The following RAD51B variants were observed in gnomAD, a reference collection of about 807,000 sequenced individuals.
RAD51B encodes DNA repair protein RAD51 homolog 2.
RAD51B carries 38 observed loss-of-function variants against 42.2 expected under a neutral mutation model. That is an observed-to-expected ratio of 0.90 (90% confidence interval 0.70 to 1.18). The LOEUF (loss-of-function observed/expected upper bound fraction) is 1.18, where lower values mean the gene tolerates loss of function less well. Ranked by LOEUF, RAD51B falls within the 50% of genes most tolerant of loss-of-function variation. The pLI, the probability that RAD51B is intolerant of heterozygous loss-of-function variation, is 0.00. For synonymous variants in RAD51B, 154 were observed against 145.2 expected, an observed-to-expected ratio of 1.06 and a Z score of -0.43; for missense variants, 373 against 400.7, an observed-to-expected ratio of 0.93 and a Z score of 0.59.
intron 7 of RAD51B, among the ~76,000 whole-genome samples, chr14:68,025,837 G>A (rs1280684481): frequency 1.3e-5 from 2 of 151,752 alleles, no homozygotes; most frequent in East Asian, 1.9e-4. Context: ...TTGATCTTTC[G>A]TATGGATTTT....
intron 10 of RAD51B, among the ~76,000 whole-genome samples, chr14:68,637,601 A>G (rs919901909): frequency 2.0e-5 from 3 of 152,218 alleles, no homozygotes; most frequent in African/African-American, 7.2e-5. Flanking sequence ...CAAAGGCAGC[A>G]AGATTATTTT....
chr14:68,612,325 G>A (rs1174026675), downstream of RAD51B, among the ~76,000 whole-genome samples: 1 of 152,238 alleles, frequency 6.6e-6, no homozygotes, highest in African/African-American at 2.4e-5. Flanking sequence ...ACTTGTAGAA[G>A]AGCAGAAAGA....
intron 10 of RAD51B, among the ~76,000 whole-genome samples, chr14:68,619,565 G>T (rs563612594): frequency 6.6e-6 from 1 of 152,114 alleles, no homozygotes; most frequent in Non-Finnish European, 1.5e-5. Context: ...AAGCAAGTTA[G>T]ACAGAGTCAT....
At chr14:68,530,362 G>A (rs867419165) in intron 10 of RAD51B, among the ~76,000 whole-genome samples, 1 of 145,798 alleles carries the variant, frequency 6.9e-6, no homozygotes, top group African/African-American at 2.5e-5. Flanking sequence ...TGGGAGGATT[G>A]CTGGAGCCCA....
intron 4 of RAD51B, among the ~76,000 whole-genome samples, chr14:67,860,829 C>T (rs1595017868): frequency 6.6e-6 from 1 of 152,148 alleles, no homozygotes; most frequent in Non-Finnish European, 1.5e-5. Flanking sequence ...TCTATAGCAA[C>T]ACATAGGTTG....
In RAD51B at chr14:68,087,549, T is replaced by C. The variant is rs1025694788; in HGVS notation, c.756+200345T>C. Among the ~76,000 whole-genome samples the C allele has an allele frequency of 4.6e-5, 7 of 152,112 alleles. No homozygotes were observed. In the South Asian group the frequency reaches 6.2e-4, roughly 14 times the overall value. On this transcript the variant is annotated intron_variant, in intron 7 of 10. Coordinates refer to ENST00000471583, the MANE Select transcript of RAD51B (RefSeq NM_133510.4). ...TGTTAAAGGGTTGACAACAGCTCACTTTCTTCTGTGGTTTAACGGAAAGAA... is the reference window on the plus strand; with the variant it reads ...TGTTAAAGGGTTGACAACAGCTCACCTTCTTCTGTGGTTTAACGGAAAGAA...
intron 3 of RAD51B, among the ~76,000 whole-genome samples, chr14:67,827,994 G>C (rs1461758299): frequency 6.6e-6 from 1 of 151,998 alleles, no homozygotes; most frequent in African/African-American, 2.4e-5. Context: ...TATTCCTTTG[G>C]GTATATACCT....
intron 10 of RAD51B, chr14:68,564,054 C>A: frequency 2.0e-6 from 1 of 498,254 alleles, no homozygotes; most frequent in Non-Finnish European, 2.6e-6. Context: ...CCTGCATGGG[C>A]TGGGGGAGGC....
At chr14:67,958,078 A>T (rs1404195502) in intron 7 of RAD51B, among the ~76,000 whole-genome samples, 1 of 152,222 alleles carries the variant, frequency 6.6e-6, no homozygotes, top group Non-Finnish European at 1.5e-5. Context: ...TTTCTGGGCT[A>T]ATGGCAGCCG....
chr14:68,428,987 G>A (rs184948217), intron 9 of RAD51B, among the ~76,000 whole-genome samples: 52 of 146,074 alleles, frequency 3.6e-4, no homozygotes, highest in African/African-American at 1.3e-3. Context: ...TTCCCACTAT[G>A]AGTGAGAACA....
At chr14:68,290,180 A>G (rs1323690359) in intron 7 of RAD51B, among the ~76,000 whole-genome samples, 1 of 152,218 alleles carries the variant, frequency 6.6e-6, no homozygotes, top group Non-Finnish European at 1.5e-5. Context: ...CAGGGTAGCA[A>G]CAAAACCATA....
intron 7 of RAD51B, among the ~76,000 whole-genome samples, chr14:67,972,486 A>G (rs1403684975): frequency 1.3e-5 from 2 of 152,120 alleles, no homozygotes; most frequent in Non-Finnish European, 2.9e-5. Flanking sequence ...TTTCATGTCT[A>G]TGTCTGCCAA....
At chr14:68,217,396 G>A (rs916319063) in intron 7 of RAD51B, among the ~76,000 whole-genome samples, 1 of 152,172 alleles carries the variant, frequency 6.6e-6, no homozygotes, top group African/African-American at 2.4e-5. Context: ...GGAGTTTATG[G>A]CACTTTTATA....
intron 7 of RAD51B, among the ~76,000 whole-genome samples, chr14:68,159,646 A>G (rs2078595070): frequency 1.3e-5 from 2 of 151,980 alleles, no homozygotes; most frequent in South Asian, 4.2e-4. Context: ...GACAAAGTAT[A>G]TGCTTGGACC....
chr14:68,084,284 T>G (rs1345215962), intron 7 of RAD51B, among the ~76,000 whole-genome samples: 1 of 152,204 alleles, frequency 6.6e-6, no homozygotes, highest in East Asian at 1.9e-4. Flanking sequence ...ATTGTCTTGT[T>G]GTAACATCCT....
intron 7 of RAD51B, among the ~76,000 whole-genome samples, chr14:67,905,799 C>G (rs1346482840): frequency 6.6e-6 from 1 of 152,026 alleles, no homozygotes; most frequent in Non-Finnish European, 1.5e-5. Context: ...TTTATCAGAT[C>G]TAGGAACATT....
At chr14:68,192,038 T>C (rs2079278176) in intron 7 of RAD51B, among the ~76,000 whole-genome samples, 2 of 152,204 alleles carry the variant, frequency 1.3e-5, no homozygotes, top group Non-Finnish European at 1.5e-5. Flanking sequence ...GCAACATTAC[T>C]GACTTCCCAG....
At chr14:67,979,474 A>C (rs1269256252) in intron 7 of RAD51B, among the ~76,000 whole-genome samples, 5 of 152,154 alleles carry the variant, frequency 3.3e-5, no homozygotes, top group African/African-American at 1.2e-4. Flanking sequence ...TTTTCCTAAT[A>C]TTAGTCATTC....
chr14:68,476,162 G>A (rs1882587174), intron 10 of RAD51B, among the ~76,000 whole-genome samples: 1 of 152,096 alleles, frequency 6.6e-6, no homozygotes, highest in Non-Finnish European at 1.5e-5. Flanking sequence ...GGTTCAAACA[G>A]TGGAATATAG....
Sources: gnomAD v4.1 joint callset for allele counts (sites outside exome capture counted in the v4.1 genomes callset) on GRCh38, gnomAD v4.1.1 for gene constraint, MANE v1.5 for transcripts, NCBI Gene and HGNC (gene_info 2026-07-23, HGNC 2026-07-21) for gene names.